CYP4V2: variants seen among roughly 807,000 people sequenced by gnomAD.
The protein encoded by CYP4V2 is cytochrome P450 family 4 subfamily V member 2.
CYP4V2 carries 55 observed loss-of-function variants against 60.8 expected under a neutral mutation model. The observed-to-expected ratio is 0.90, with a 90% CI of 0.73 to 1.13. CYP4V2 has a LOEUF of 1.13. Among genes scored for constraint, CYP4V2 ranks in the 50% most tolerant of loss-of-function variants. CYP4V2 has a pLI of 0.00. For synonymous variants in CYP4V2, 239 were observed against 236.8 expected (o/e 1.01, Z -0.08); for missense variants, 675 against 662.9 (o/e 1.02, Z -0.20).
chr4:186,192,690 G>GA (rs1405903171), intron 1 of CYP4V2, among the ~76,000 whole-genome samples: 1 of 152,034 alleles, frequency 6.6e-6, no homozygotes, highest in African/African-American at 2.4e-5. Flanking sequence ...TTTATTGATG[G>GA]AAAAAAATCA....
chr4:186,201,408 T>G, intron 7 of CYP4V2, 66 bp downstream of exon 7: 2 of 1,553,292 alleles, frequency 1.3e-6, no homozygotes, highest in Non-Finnish European at 1.8e-6. Context: ...ATCTTTAGCA[T>G]TATTTTTTAA....
intron 1 of CYP4V2, among the ~76,000 whole-genome samples, chr4:186,192,859 C>G (rs1456764229): frequency 1.3e-5 from 2 of 152,150 alleles, no homozygotes; most frequent in African/African-American, 4.8e-5. Flanking sequence ...TTGGCCCAGA[C>G]CAGAACCCAG....
chr4:186,209,592 G>A (rs1419049085), intron 10 of CYP4V2, among the ~76,000 whole-genome samples: 2 of 152,160 alleles, frequency 1.3e-5, no homozygotes, highest in African/African-American at 2.4e-5. Flanking sequence ...TTTCTCCTGA[G>A]GCCTCTCTCC....
In CYP4V2 at chr4:186,191,834, T is replaced by G; in HGVS notation, c.11T>G (p.Leu4Arg). ...CCGCCAGCCGGGGCGATGGCGGGGC[T>G]CTGGCTGGGGCTCGTGTGGCAGAAG... MAGLWLGLVWQKLL... is the reference protein window; with the variant it reads MAGRWLGLVWQKLL... The change falls in exon 1 of 11, where the codon CTC (leucine) becomes CGC (arginine). Residue 4 changes from leucine (L) to arginine (R), a missense_variant. Leu to Arg is a moderately radical substitution (Grantham distance 102). Transcript: ENST00000378802. 6.4e-7 allele frequency: 1 copy of G among 1,568,836 alleles called. No homozygotes were observed. Among genetic ancestry groups the G allele is most frequent in the Non-Finnish European group, 8.6e-7 (1 of 1,163,366 alleles).
chr4:186,206,410 G>A (rs1736508456), intron 8 of CYP4V2, among the ~76,000 whole-genome samples: 1 of 152,108 alleles, frequency 6.6e-6, no homozygotes, highest in Non-Finnish European at 1.5e-5. Context: ...ATATTTTGGG[G>A]CCCATTATCA....
Position 186,211,282 on chromosome 4 carries a change from C to T in CYP4V2, c.*641C>T, listed in dbSNP as rs1301950747. ...GTCCAATTCCACTTCAATTGATAGA[C>T]CCAAAAAATATAATTTAATCAAAGT... On this transcript the variant is annotated 3_prime_UTR_variant, in exon 11 of 11. Transcript: ENST00000378802. 6.6e-6 allele frequency: 1 copy of T among 152,108 alleles called. No homozygotes were observed. Among genetic ancestry groups the T allele is most frequent in the Admixed American group, 6.5e-5 (1 of 15,268 alleles). 9.4% of individuals were successfully genotyped at this position (152,108 alleles called of 1,614,324 possible). A position where few individuals can be genotyped will look rare whatever the true frequency, so the allele number is the denominator to read the frequency against.
In CYP4V2 at chr4:186,197,516, T is replaced by G; in HGVS notation, c.605-17T>G. 6.2e-7 allele frequency: 1 copy of G among 1,613,504 alleles called. No homozygotes were observed. Among genetic ancestry groups the G allele is most frequent in the East Asian group, 2.2e-5 (1 of 44,884 alleles). ...CGTGCGTGAATTGAATGGTTGCTTCTCACCCATATTTTATAGAAACAGCTA... is the reference window on the plus strand; with the variant it reads ...CGTGCGTGAATTGAATGGTTGCTTCGCACCCATATTTTATAGAAACAGCTA... On this transcript the variant is annotated splice_polypyrimidine_tract_variant and intron_variant, in intron 4 of 10. Coordinates refer to ENST00000378802, the MANE Select transcript of CYP4V2 (RefSeq NM_207352.4).
chr4:186,192,247 T>C (rs1736012955), intron 1 of CYP4V2: 1 of 724,914 alleles, frequency 1.4e-6, no homozygotes, highest in Non-Finnish European at 2.5e-6. Flanking sequence ...TTTCTTTGTG[T>C]GTAGCACAGG....
intron 3 of CYP4V2, chr4:186,196,532 G>A (rs1736151334): frequency 3.4e-6 from 1 of 290,450 alleles, no homozygotes. Context: ...AGCCTAGCAG[G>A]GACTTTGGAG....
intron 8 of CYP4V2, among the ~76,000 whole-genome samples, chr4:186,205,884 G>A (rs1213821589): frequency 6.6e-6 from 1 of 152,148 alleles, no homozygotes; most frequent in African/African-American, 2.4e-5. Flanking sequence ...CTTCAAGGCA[G>A]GAAGACAGGG....
In CYP4V2 at chr4:186,209,077, G is replaced by A; in HGVS notation, c.1226-16G>A. 1 of 1,614,110 alleles carries A rather than the reference G, an allele frequency of 6.2e-7. No homozygotes were observed. The highest frequency in any genetic ancestry group is 8.5e-7 in the Non-Finnish European group (1 of 1,180,026). On this transcript the variant is annotated splice_polypyrimidine_tract_variant and intron_variant, in intron 9 of 10. Coordinates refer to ENST00000378802, the MANE Select transcript of CYP4V2 (RefSeq NM_207352.4). ...CCTTGCTCCGGTCTCATAATGTATT[G>A]ACTACTTCTTGACAGCAGGTTACAG...
At chr4:186,194,444 T>C in intron 1 of CYP4V2, 56 bp from the exon 2 acceptor site, 1 of 1,443,080 alleles carries the variant, frequency 6.9e-7, no homozygotes, top group Middle Eastern at 1.7e-4. Flanking sequence ...CTTTGTCCAA[T>C]ACTGGTCACA....
chr4:186,199,120 C>A (rs758339688), intron 6 of CYP4V2, 37 bp downstream of exon 6: 2 of 1,598,944 alleles, frequency 1.3e-6, no homozygotes, highest in South Asian at 2.2e-5. Context: ...GTAAAATAGA[C>A]ATAACATAAA....
rs1195129787 is a variant in CYP4V2 at position 186,210,861 on chromosome 4, T to G, written c.*220T>G. ...TTTATTTTTTTTTTTTGAAACCGTG[T>G]CTCACTCTGTCGCCCAGGCTGGAGG... On this transcript the variant is annotated 3_prime_UTR_variant, in exon 11 of 11. Transcript: ENST00000378802. 3 of 504,680 alleles carry G rather than the reference T, an allele frequency of 5.9e-6. No individual in the cohort carries two copies. Among genetic ancestry groups the G allele is most frequent in the Non-Finnish European group, 1.0e-5 (3 of 289,500 alleles). 31.3% of individuals were successfully genotyped at this position (504,680 alleles called of 1,614,324 possible).
chr4:186,194,220 GT>G (rs1316699766), intron 1 of CYP4V2, among the ~76,000 whole-genome samples: 2 of 152,114 alleles, frequency 1.3e-5, no homozygotes, highest in African/African-American at 4.8e-5. Flanking sequence ...AAGAATGCCC[GT>G]TCTGGGACAT....
intron 6 of CYP4V2, 23 bp downstream of exon 6, chr4:186,199,106 TGTG>T: frequency 6.2e-7 from 1 of 1,608,734 alleles, no homozygotes; most frequent in Non-Finnish European, 8.5e-7. Flanking sequence ...CTTTTACAAT[TGTG>T]GTAAAATAGA....
At chr4:186,192,132 G>A (rs1259193146) in intron 1 of CYP4V2, 95 bp downstream of exon 1, 1 of 1,444,062 alleles carries the variant, frequency 6.9e-7, no homozygotes, top group Non-Finnish European at 9.4e-7. Flanking sequence ...GGCGCTGGCC[G>A]CAGGAGAGAG....
Position 186,208,860 on chromosome 4 carries a change from A to C in CYP4V2, c.1091-5A>C. The C allele has an allele frequency of 6.2e-7, 1 of 1,614,190 alleles. No individual in the cohort carries two copies. Among genetic ancestry groups the C allele is most frequent in the Non-Finnish European group, 8.5e-7 (1 of 1,180,032 alleles). ...CAGGTCATCTTATCTACTTGCTTTC[A>C]TCAGGGAAGTCTGACCGTCCCGCTA... On this transcript the variant is annotated splice_polypyrimidine_tract_variant and splice_region_variant and intron_variant, in intron 8 of 10. Coordinates refer to ENST00000378802, the MANE Select transcript of CYP4V2 (RefSeq NM_207352.4).
chr4:186,196,765 A>G, intron 3 of CYP4V2, 175 bp from the exon 4 acceptor site: 1 of 608,346 alleles, frequency 1.6e-6, no homozygotes, highest in Non-Finnish European at 2.9e-6. Flanking sequence ...TTTTATAGAT[A>G]TGTGTATATC....
Sources: gnomAD v4.1 joint callset for allele counts (sites outside exome capture counted in the v4.1 genomes callset) on GRCh38, gnomAD v4.1.1 for gene constraint, MANE v1.5 for transcripts, NCBI Gene and HGNC (gene_info 2026-07-23, HGNC 2026-07-21) for gene names.